The following CRTC1 variants were observed in gnomAD, a reference collection of about 807,000 sequenced individuals.
The protein encoded by CRTC1 is CREB-regulated transcription coactivator 1.
In CRTC1, 18 loss-of-function variants were observed where a neutral mutation model predicts 66.1. The ratio of observed to expected loss-of-function variants is 0.27; its 90% confidence interval spans 0.19 to 0.40. The LOEUF (loss-of-function observed/expected upper bound fraction) is 0.40. CRTC1 is among the 10% of genes least tolerant of loss of function. The probability of loss-of-function intolerance (pLI) is 1.00; values close to 1 mark genes in which losing one functional copy is unlikely to be tolerated. For synonymous variants in CRTC1, 416 were observed against 398.8 expected (o/e 1.04, Z -0.51); for missense variants, 669 against 887.9 (o/e 0.75, Z 3.13).
chr19:18,699,632 C>T (rs1407134810), intron 1 of CRTC1, among the ~76,000 whole-genome samples: 1 of 152,180 alleles, frequency 6.6e-6, no homozygotes, highest in Non-Finnish European at 1.5e-5. Context: ...AGACCCTGCC[C>T]TAGGGAGTGA....
intron 1 of CRTC1, 106 bp downstream of exon 1, chr19:18,683,934 G>C (rs2052623291): frequency 6.8e-6 from 1 of 147,668 alleles, no homozygotes; most frequent in Admixed American, 7.0e-5. Flanking sequence ...GGCGGGGGCG[G>C]GGCGCGCGCG....
chr19:18,760,134 C>G lies in CRTC1; in HGVS notation c.792C>G (p.Pro264=), dbSNP rs779704646. The change falls in exon 8 of 14, where the codon CCC becomes CCG. Residue 264 remains proline (P), a synonymous_variant. Transcript: ENST00000321949. This position sits in a 1 kb window ranked among gnomAD's most constrained non-coding sequence, Gnocchi z 6.2. ...CCCCGCTCCCGACCCCGCTGGACCC[C>G]GAGGAGCCCACCTTCCCTGCACTGA... ...FPSPLPTPLD[P]EEPTFPALSS... is the part of the protein sequence containing the mutation. The G allele has an allele frequency of 6.2e-7, 1 of 1,613,938 alleles. No homozygotes were observed. The highest frequency in any genetic ancestry group is 1.7e-5 in the Admixed American group (1 of 60,008).
In CRTC1 at chr19:18,741,630, G is replaced by A. The variant is rs1568514260; in HGVS notation, c.127-1280G>A. Among the ~76,000 whole-genome samples the A allele has an allele frequency of 1.3e-5, 2 of 152,118 alleles. No individual in the cohort carries two copies. Among genetic ancestry groups the A allele is most frequent in the Admixed American group, 1.3e-4 (2 of 15,286 alleles). On this transcript the variant is annotated intron_variant, in intron 1 of 13. Coordinates refer to ENST00000321949, the MANE Select transcript of CRTC1 (RefSeq NM_015321.3). This position sits in a 1 kb window ranked among gnomAD's most constrained non-coding sequence, Gnocchi z 4.2. The stretch of plus-strand genomic sequence containing the variant: ...GGAGCTGGCCTGTTTCATCTGGTGT[G>A]ACTGCTGGGAGGGACACTGTGGATG...
chr19:18,771,565 C>T lies in CRTC1; in HGVS notation c.1425+19C>T. 6.3e-7 allele frequency: 1 copy of T among 1,591,300 alleles called. No individual in the cohort carries two copies. Among genetic ancestry groups the T allele is most frequent in the Non-Finnish European group, 8.6e-7 (1 of 1,163,402 alleles). ...CCCGCAAGTAAGGGGCGCCGCCTCC[C>T]CCTTGGCCTGTGGGCTCCACGCTTG... On this transcript the variant is annotated intron_variant, in intron 11 of 13. Transcript: ENST00000321949. This position sits in a 1 kb window ranked among gnomAD's most constrained non-coding sequence, Gnocchi z 4.6.
At chr19:18,728,406 A>G (rs1359631414) in intron 1 of CRTC1, among the ~76,000 whole-genome samples, 7 of 152,206 alleles carry the variant, frequency 4.6e-5, no homozygotes, top group Admixed American at 6.5e-5. Context: ...GCTTAAAAGT[A>G]TCAGAGATCC....
chr19:18,714,620 A>G (rs1259200662), intron 1 of CRTC1, among the ~76,000 whole-genome samples: 3 of 152,208 alleles, frequency 2.0e-5, no homozygotes, highest in Non-Finnish European at 2.9e-5. Flanking sequence ...ACTAATGCTC[A>G]TTAAACAGAC....
chr19:18,767,301 G>A (rs879317809), intron 9 of CRTC1, among the ~76,000 whole-genome samples: 1 of 151,988 alleles, frequency 6.6e-6, no homozygotes, highest in Non-Finnish European at 1.5e-5. Flanking sequence ...CCAGGTTCAA[G>A]CGATTTTCGT....
intron 1 of CRTC1, among the ~76,000 whole-genome samples, chr19:18,733,214 T>G (rs1372382254): frequency 6.6e-6 from 1 of 152,148 alleles, no homozygotes; most frequent in Non-Finnish European, 1.5e-5. Context: ...AGGGTACAGC[T>G]GTGTCTCCCT....
intron 4 of CRTC1, 58 bp downstream of exon 4, chr19:18,747,172 T>C: frequency 9.0e-7 from 1 of 1,109,352 alleles, no homozygotes; most frequent in Non-Finnish European, 1.3e-6. Context: ...AACCAAACTC[T>C]CATCATGGTT....
chr19:18,754,553 A>G (rs534415120), intron 6 of CRTC1, among the ~76,000 whole-genome samples: 4 of 152,364 alleles, frequency 2.6e-5, no homozygotes, highest in African/African-American at 9.6e-5. Flanking sequence ...TTTCTTCTTC[A>G]GGAATTCAAT....
At position 18,705,242 on chromosome 19, in the gene CRTC1, G is replaced by A. The variant is rs780989613; in HGVS notation, c.126+21414G>A. On this transcript the variant is annotated intron_variant, in intron 1 of 13. Transcript: ENST00000321949. ...GTGCGTAGTGCTGCTGTGAACATTG[G>A]TGTACATCTCTTTGAGTCCCTACTC... Among the ~76,000 whole-genome samples, 153 of 152,236 alleles carry A rather than the reference G, an allele frequency of 1.0e-3. 6 individuals are homozygous for A. The highest frequency in any genetic ancestry group is 5.4e-4 in the Non-Finnish European group (37 of 68,020).
chr19:18,746,123 G>A (rs1568518774), intron 3 of CRTC1, among the ~76,000 whole-genome samples, 163 bp downstream of exon 3: 1 of 152,212 alleles, frequency 6.6e-6, no homozygotes, highest in Non-Finnish European at 1.5e-5. Context: ...CAGCCTGGGG[G>A]ACTTCCTGGA....
At chr19:18,690,008 G>A (rs1177492746) in intron 1 of CRTC1, among the ~76,000 whole-genome samples, 1 of 151,492 alleles carries the variant, frequency 6.6e-6, no homozygotes, top group Non-Finnish European at 1.5e-5. Context: ...CTGGAGCAAG[G>A]GGGTGACAGA....
At chr19:18,731,115 T>C (rs905258510) in intron 1 of CRTC1, among the ~76,000 whole-genome samples, 1 of 152,248 alleles carries the variant, frequency 6.6e-6, no homozygotes, top group Non-Finnish European at 1.5e-5. Flanking sequence ...TTGCTGGGAC[T>C]ACAGGTGTGT....
rs943523145 is a variant in CRTC1, at chr19:18,779,623, C to T, written c.*2241C>T. On this transcript the variant is annotated 3_prime_UTR_variant, in exon 14 of 14. Transcript: ENST00000321949. The stretch of plus-strand genomic sequence containing the variant: ...AGGACCATGCTAGGAAACCTCATAC[C>T]CCATCCGTCCAACCTCCGGCGGGCG... 7 of 222,870 alleles carry T rather than the reference C, an allele frequency of 3.1e-5. No homozygotes were observed. The highest frequency in any genetic ancestry group is 1.6e-4 in the African/African-American group (7 of 44,706). The allele number at this position is 222,870 out of a possible 1,614,324, so 13.8% of individuals were successfully genotyped here. A position where few individuals can be genotyped will look rare whatever the true frequency, so the allele number is the denominator to read the frequency against.
chr19:18,742,939 A>G lies in CRTC1; in HGVS notation c.156A>G (p.Gln52=). Residue 52 remains glutamine (Q), a synonymous_variant, in exon 2 of 14, where the codon CAA becomes CAG. Coordinates refer to ENST00000321949, the MANE Select transcript of CRTC1 (RefSeq NM_015321.3). ...AGCTCCAGAAATCCCAGTACCTGCA[A>G]CTGGGCCCCAGCCGAGGCCAGTACT... ...RLQLQKSQYL[Q]LGPSRGQYYG... 1.2e-6 allele frequency: 2 copies of G among 1,613,794 alleles called. No individual in the cohort carries two copies. The highest frequency in any genetic ancestry group is 1.7e-6 in the Non-Finnish European group (2 of 1,179,952).
chr19:18,701,715 C>T (rs1490858483), intron 1 of CRTC1, among the ~76,000 whole-genome samples: 1 of 152,132 alleles, frequency 6.6e-6, no homozygotes, highest in East Asian at 1.9e-4. Context: ...AAGCGATTCT[C>T]CTACCTCAGC....
intron 1 of CRTC1, among the ~76,000 whole-genome samples, chr19:18,685,183 T>G (rs2052658818): frequency 6.6e-6 from 1 of 152,236 alleles, no homozygotes; most frequent in South Asian, 2.1e-4. Flanking sequence ...ATTGTGACCT[T>G]ATAGACTAGG....
At chr19:18,692,062 C>T (rs1299737251) in intron 1 of CRTC1, among the ~76,000 whole-genome samples, 3 of 152,162 alleles carry the variant, frequency 2.0e-5, no homozygotes, top group African/African-American at 7.2e-5. Flanking sequence ...CACTGAGCTC[C>T]TACACTCCAA....
Sources: allele counts gnomAD v4.1 joint callset (sites outside exome capture counted in the v4.1 genomes callset), GRCh38; gene constraint gnomAD v4.1.1; non-coding constraint Gnocchi (gnomAD v3.1); transcripts MANE v1.5; gene names NCBI Gene and HGNC (gene_info 2026-07-23, HGNC 2026-07-21).